Variants in POLD1 observed in about 807,000 individuals in gnomAD.
The protein encoded by POLD1 is DNA polymerase delta catalytic subunit.
Under a neutral mutation model 129.7 loss-of-function variants are expected in POLD1, and 79 were observed. The ratio of observed to expected loss-of-function variants is 0.61; its 90% confidence interval spans 0.51 to 0.73. The LOEUF (loss-of-function observed/expected upper bound fraction) is 0.73. Among genes scored for constraint, POLD1 ranks in the 30% least tolerant of loss-of-function variants. The probability of loss-of-function intolerance (pLI) is 0.00; values close to 1 mark genes in which losing one functional copy is unlikely to be tolerated. For synonymous variants in POLD1, 714 were observed against 683.3 expected (o/e 1.04, Z -0.70); for missense variants, 1,338 against 1,595.8 (o/e 0.84, Z 2.75).
Position 50,409,370 on chromosome 19 carries a change from C to T in POLD1, c.2006+135C>T, listed in dbSNP as rs2039012793. The T allele has an allele frequency of 7.8e-7, 1 of 1,282,494 alleles. No homozygotes were observed. Among genetic ancestry groups the T allele is most frequent in the Middle Eastern group, 2.1e-4 (1 of 4,714 alleles). The allele number at this position is 1,282,494 out of a possible 1,614,324, so 79.4% of individuals were successfully genotyped here. ...GTGCGTGAATTAGCACAAGGCATCC[C>T]CTCCTGGCAGCTTCCTTTTGCCCCC... On this transcript the variant is annotated intron_variant, in intron 16 of 26. Transcript: ENST00000440232. The surrounding 1 kb of genome is among the most constrained non-coding windows in gnomAD (Gnocchi z 5.8).
At chr19:50,417,683 CCCCCCCCG>C (rs1482823377) in intron 26 of POLD1, among the ~76,000 whole-genome samples, 151 bp from the exon 27 acceptor site, 2 of 77,100 alleles carry the variant, frequency 2.6e-5, no homozygotes, top group African/African-American at 1.7e-4. Flanking sequence ...CCCCCCCCCA[CCCCCCCCG>C]TGCCTGCTGA....
chr19:50,408,960 G>A (rs1210097071), intron 15 of POLD1, 59 bp downstream of exon 15: 3 of 1,518,318 alleles, frequency 2.0e-6, no homozygotes, highest in Admixed American at 1.8e-5. Flanking sequence ...CCCTTGGGGG[G>A]CTCAGTCTGG....
At chr19:50,390,514 C>A (rs1031425023) in intron 1 of POLD1, among the ~76,000 whole-genome samples, 1 of 151,872 alleles carries the variant, frequency 6.6e-6, no homozygotes, top group Admixed American at 6.6e-5. Flanking sequence ...TTCAGCCAGT[C>A]CCTCCTTATC....
intron 20 of POLD1, 79 bp downstream of exon 20, chr19:50,415,069 C>T: frequency 7.6e-7 from 1 of 1,307,446 alleles, no homozygotes. Context: ...GTCTAGGCCC[C>T]AGCCCCTCCT....
chr19:50,391,364 T>C (rs968327281), intron 1 of POLD1, among the ~76,000 whole-genome samples: 4 of 152,000 alleles, frequency 2.6e-5, no homozygotes, highest in African/African-American at 9.7e-5. Flanking sequence ...AGGTGGAGGT[T>C]GTAGCGAGCC....
At chr19:50,408,954 T>TG in intron 15 of POLD1, 53 bp downstream of exon 15, 2 of 1,536,300 alleles carry the variant, frequency 1.3e-6, no homozygotes, top group Non-Finnish European at 8.9e-7. Context: ...GGCCTTCCCT[T>TG]GGGGGGCTCA....
At position 50,416,597 on chromosome 19, in the gene POLD1, T is replaced by G. The variant is rs780981630; in HGVS notation, c.2954-13T>G. 11 of 1,553,054 alleles carry G rather than the reference T, an allele frequency of 7.1e-6. No homozygotes were observed. The South Asian group carries it at 9.4e-5, about 13-fold the overall frequency. ...GGAGATCACCGGCCCACCACCTGCC[T>G]CCTCTCCTGCAGGGGGGGACCACAC... On this transcript the variant is annotated splice_polypyrimidine_tract_variant and intron_variant, in intron 23 of 26. Coordinates refer to ENST00000440232, the MANE Select transcript of POLD1 (RefSeq NM_002691.4).
At position 50,406,863 on chromosome 19, in the gene POLD1, C is replaced by G; in HGVS notation, c.1495-120C>G. 1.2e-6 allele frequency: 1 copy of G among 819,654 alleles called. No homozygotes were observed. The highest frequency in any genetic ancestry group is 1.9e-6 in the Non-Finnish European group (1 of 520,206). 50.8% of individuals were successfully genotyped at this position (819,654 alleles called of 1,614,324 possible). The stretch of plus-strand genomic sequence containing the variant: ...GACCCTGACGACTTGGAGGGCCCTC[C>G]TGCCCGCCTCACCTCCCAGGCCCTC... On this transcript the variant is annotated intron_variant, in intron 12 of 26. Coordinates refer to ENST00000440232, the MANE Select transcript of POLD1 (RefSeq NM_002691.4). The surrounding 1 kb of genome is among the most constrained non-coding windows in gnomAD (Gnocchi z 5.5).
chr19:50,416,534 G>C lies in POLD1; in HGVS notation c.2953+6G>C, dbSNP rs1012080851. On this transcript the variant is annotated splice_donor_region_variant and intron_variant, in intron 23 of 26. Coordinates refer to ENST00000440232, the MANE Select transcript of POLD1 (RefSeq NM_002691.4). ...TGCCGAGGCTGTGCTACTGCGTACG[G>C]GGGCACCAGGGGACTGGGGGCACCC... is the stretch of plus-strand genomic sequence containing the variant. 6.4e-7 allele frequency: 1 copy of C among 1,551,790 alleles called. No individual in the cohort carries two copies. The highest frequency in any genetic ancestry group is 2.4e-5 in the East Asian group (1 of 41,262).
At position 50,406,356 on chromosome 19, in the gene POLD1, T is replaced by C. The variant is rs2122323732; in HGVS notation, c.1383+34T>C. 1 of 1,612,430 alleles carries C rather than the reference T, an allele frequency of 6.2e-7. No homozygotes were observed. Among genetic ancestry groups the C allele is most frequent in the Non-Finnish European group, 8.5e-7 (1 of 1,178,964 alleles). ...GGGAGGTGGGGTGTGTCCCTGTCCT[T>C]GGAAGGCCACTGCCCAGGCCCGCAG... On this transcript the variant is annotated intron_variant, in intron 11 of 26. Coordinates refer to ENST00000440232, the MANE Select transcript of POLD1 (RefSeq NM_002691.4). The surrounding 1 kb of genome is among the most constrained non-coding windows in gnomAD (Gnocchi z 5.5).
chr19:50,403,035 C>A lies in POLD1; in HGVS notation c.971-18C>A. 6.4e-7 allele frequency: 1 copy of A among 1,553,166 alleles called. No homozygotes were observed. The highest frequency in any genetic ancestry group is 8.7e-7 in the Non-Finnish European group (1 of 1,147,918). ...GTGAGGGGCAGGAGTCAGGCCCCTGCATCCTCCTGCCTCGCAGGCATCTTC... is the reference window on the plus strand; with the variant it reads ...GTGAGGGGCAGGAGTCAGGCCCCTGAATCCTCCTGCCTCGCAGGCATCTTC... On this transcript the variant is annotated intron_variant, in intron 8 of 26. Coordinates refer to ENST00000440232, the MANE Select transcript of POLD1 (RefSeq NM_002691.4).
intron 1 of POLD1, among the ~76,000 whole-genome samples, chr19:50,389,391 G>C (rs990569629): frequency 1.3e-5 from 2 of 151,854 alleles, no homozygotes; most frequent in African/African-American, 4.8e-5. Flanking sequence ...AAATGTCCTG[G>C]GATTACAGCC....
At position 50,402,206 on chromosome 19, in the gene POLD1, C is replaced by T. The variant is rs751594716; in HGVS notation, c.591C>T (p.Ser197=). 36 of 1,584,012 alleles carry T rather than the reference C, an allele frequency of 2.3e-5. 1 individual carries two copies. In the South Asian group the frequency reaches 4.1e-4, roughly 18 times the overall value. The change falls in exon 6 of 27, where the codon AGC becomes AGT. Residue 197 remains serine (S), a splice_region_variant and synonymous_variant. Transcript: ENST00000440232. Reference sequence around the variant, plus strand: ...GGTCCCAGCTTCTTCCATCCACAGGCATGTTTGGGTACCACGGGCACGGCC... The same window carrying T: ...GGTCCCAGCTTCTTCCATCCACAGGTATGTTTGGGTACCACGGGCACGGCC... The part of the protein sequence containing the change: ...VLAVELCSRE[S]MFGYHGHGPS...
intron 1 of POLD1, among the ~76,000 whole-genome samples, chr19:50,392,768 C>G (rs1167563034): frequency 1.3e-5 from 2 of 152,274 alleles, no homozygotes; most frequent in Admixed American, 6.5e-5. Context: ...TGAGCCACTG[C>G]ACCCAGGCTG....
intron 1 of POLD1, among the ~76,000 whole-genome samples, chr19:50,394,857 C>G (rs1385304820): frequency 6.6e-6 from 1 of 151,718 alleles, no homozygotes; most frequent in Non-Finnish European, 1.5e-5. Flanking sequence ...TTTTTTGAGA[C>G]AGAATTTCAC....
At position 50,407,407 on chromosome 19, in the gene POLD1, C is replaced by T. The variant is rs1356286966; in HGVS notation, c.1767C>T (p.Pro589=). The T allele has an allele frequency of 3.7e-6, 6 of 1,602,992 alleles. No homozygotes were observed. Among genetic ancestry groups the T allele is most frequent in the South Asian group, 2.2e-5 (2 of 89,986 alleles). Residue 589 remains proline (P), a synonymous_variant, in exon 14 of 27, where the codon CCC becomes CCT. Coordinates refer to ENST00000440232, the MANE Select transcript of POLD1 (RefSeq NM_002691.4). ...ACACGGGAGCCACTGTCATCGAGCC[C>T]CTCAAAGGGTGAGGCCCCAGGCTGG... is the stretch of plus-strand genomic sequence containing the variant. The part of the protein sequence containing the change: ...EDYTGATVIE[P]LKGYYDVPIA...
chr19:50,417,716 G>A, intron 26 of POLD1, 126 bp from the exon 27 acceptor site: 1 of 259,166 alleles, frequency 3.9e-6, no homozygotes, highest in Non-Finnish European at 8.1e-6. Flanking sequence ...ACAGCCCGCT[G>A]CGGGAGGGGG....
intron 19 of POLD1, among the ~76,000 whole-genome samples, 194 bp downstream of exon 19, chr19:50,414,073 A>T (rs979004752): frequency 6.6e-6 from 1 of 151,986 alleles, no homozygotes; most frequent in Non-Finnish European, 1.5e-5. Flanking sequence ...GTTCTTTGAA[A>T]ACCCTGTCGC....
intron 18 of POLD1, 42 bp downstream of exon 18, chr19:50,413,563 AG>A (rs1274321909): frequency 3.2e-6 from 5 of 1,567,404 alleles, no homozygotes; most frequent in Non-Finnish European, 4.4e-6. Flanking sequence ...GGCCCAGGGC[AG>A]GTGGGGGGAT....
Sources: allele counts gnomAD v4.1 joint callset (sites outside exome capture counted in the v4.1 genomes callset), GRCh38; gene constraint gnomAD v4.1.1; non-coding constraint Gnocchi (gnomAD v3.1); transcripts MANE v1.5; gene names NCBI Gene and HGNC (gene_info 2026-07-23, HGNC 2026-07-21).